The following SLC19A1 variants were observed in gnomAD, a reference collection of about 807,000 sequenced individuals.
SLC19A1 encodes the protein reduced folate transporter.
A neutral mutation model predicts 35.3 loss-of-function variants in SLC19A1; 37 were observed. That is an observed-to-expected ratio of 1.05 (90% CI 0.81 to 1.38). The LOEUF is 1.38. Ranked by LOEUF, SLC19A1 falls within the 40% of genes most tolerant of loss-of-function variation. The pLI is 0.00. For missense variants in SLC19A1, 831 were observed against 826.9 expected, an observed-to-expected ratio of 1.00 and a Z score of -0.06; for synonymous variants, 460 against 398.5, an observed-to-expected ratio of 1.15 and a Z score of -1.84.
downstream of SLC19A1, among the ~76,000 whole-genome samples, chr21:45,508,113 G>A (rs56388421): frequency 3.5e-3 from 517 of 149,788 alleles, 5 homozygotes; most frequent in African/African-American, 0.012. Flanking sequence ...GTGGTCAGGC[G>A]GGTGAGTGGA....
rs764426197 is a variant in SLC19A1, at chr21:45,530,980, G to A, written c.950-9C>T. 7.6e-6 allele frequency: 11 copies of A among 1,444,492 alleles called. No homozygotes were observed. Among genetic ancestry groups the A allele is most frequent in the Non-Finnish European group, 2.7e-6 (3 of 1,102,634 alleles). 89.5% of individuals were successfully genotyped at this position (1,444,492 alleles called of 1,614,324 possible). A position where few individuals can be genotyped will look rare whatever the true frequency, so the allele number is the denominator to read the frequency against. ...GAAGGACGTGATGGCGCCTGAGAGG[G>A]GAGGGATGGGGCGTTGCAGCGGCCC... On this transcript the variant is annotated splice_polypyrimidine_tract_variant and intron_variant, in intron 3 of 5. Transcript: ENST00000311124. The surrounding 1 kb of genome is among the most constrained non-coding windows in gnomAD (Gnocchi z 5.3).
chr21:45,545,662 C>T (rs1569025715), upstream of SLC19A1, among the ~76,000 whole-genome samples: 1 of 149,340 alleles, frequency 6.7e-6, no homozygotes, highest in African/African-American at 2.6e-5. Context: ...CAGACATACA[C>T]ATGACACAGA....
chr21:45,515,792 G>A lies in SLC19A1; in HGVS notation c.1642C>T (p.Leu548=), dbSNP rs761462780. Residue 548 remains leucine, a synonymous_variant, in exon 6 of 6, where the codon CTG becomes TTG. Coordinates refer to ENST00000311124, the MANE Select transcript of SLC19A1 (RefSeq NM_194255.4). ...SPVTTPSPCT[L]CSAQASGPEA... Reference sequence around the variant, plus strand: ...GGGCCTGAGGCTTGGGCGGAGCACAGAGTGCAGGGGGAAGGGGTTGTCACT... The same window carrying A: ...GGGCCTGAGGCTTGGGCGGAGCACAAAGTGCAGGGGGAAGGGGTTGTCACT... 1 of 1,613,182 alleles carries A rather than the reference G, an allele frequency of 6.2e-7. No individual in the cohort carries two copies. Among genetic ancestry groups the A allele is most frequent in the South Asian group, 1.1e-5 (1 of 91,052 alleles).
chr21:45,513,247 A>T lies in SLC19A1; in HGVS notation c.*2411T>A, dbSNP rs17255379. The T allele has an allele frequency of 6.7e-3, 1,017 of 152,426 alleles. 4 individuals carry two copies. Among genetic ancestry groups the T allele is most frequent in the Middle Eastern group, 0.02 (6 of 294 alleles). 9.4% of individuals were successfully genotyped at this position (152,426 alleles called of 1,614,324 possible). On this transcript the variant is annotated 3_prime_UTR_variant, in exon 6 of 6. Coordinates refer to ENST00000311124, the MANE Select transcript of SLC19A1 (RefSeq NM_194255.4). The stretch of plus-strand genomic sequence containing the variant: ...GGCTCAGCCAGCACTTGTCCAGCTG[A>T]GCGCCAGGATGGAACACGGCCACAT...
chr21:45,546,425 T>C (rs2078416321), upstream of SLC19A1, among the ~76,000 whole-genome samples: 1 of 152,220 alleles, frequency 6.6e-6, no homozygotes, highest in Non-Finnish European at 1.5e-5. Context: ...CCTGGTCCTC[T>C]GGGCATGGAG....
At chr21:45,506,070 A>C in intron 3 of SLC19A1, 1 of 1,556,818 alleles carries the variant, frequency 6.4e-7, no homozygotes, top group Non-Finnish European at 8.8e-7. Flanking sequence ...GGATGGGAGC[A>C]GGTGGCAGCC....
rs1476085045 is a variant in SLC19A1 at position 45,527,475 on chromosome 21, G to A, written c.1152-1517C>T. The stretch of plus-strand genomic sequence containing the variant: ...CAGCCAGGCAGGGCGGGCCCTGGAG[G>A]TGAGTGGCAGTCAGTTACTGCGGGC... On this transcript the variant is annotated intron_variant, in intron 4 of 5. Coordinates refer to ENST00000311124, the MANE Select transcript of SLC19A1 (RefSeq NM_194255.4). 2.5e-4 allele frequency among the ~76,000 whole-genome samples: 36 copies of A among 145,000 alleles called. 1 individual carries two copies. Among genetic ancestry groups the A allele is most frequent in the African/African-American group, 9.3e-4 (36 of 38,626 alleles).
At chr21:45,536,770 A>T (rs1032428693) in intron 2 of SLC19A1, among the ~76,000 whole-genome samples, 1 of 152,134 alleles carries the variant, frequency 6.6e-6, no homozygotes, top group African/African-American at 2.4e-5. Context: ...GGAGCAGAGG[A>T]CGGGGTCAGC....
At chr21:45,553,054 A>C (rs993121039) in intron 1 of SLC19A1, among the ~76,000 whole-genome samples, 1 of 151,904 alleles carries the variant, frequency 6.6e-6, no homozygotes, top group Non-Finnish European at 1.5e-5. Flanking sequence ...CACTAAAACA[A>C]GACTCCACCG....
chr21:45,504,415 G>A, intron 3 of SLC19A1: 1 of 1,611,252 alleles, frequency 6.2e-7, no homozygotes, highest in Non-Finnish European at 8.5e-7. Context: ...TCCGTCCACA[G>A]GGGGAGAAGG....
At chr21:45,526,687 T>A (rs1288661788) in intron 4 of SLC19A1, among the ~76,000 whole-genome samples, 3 of 152,242 alleles carry the variant, frequency 2.0e-5, no homozygotes, top group South Asian at 4.1e-4. Flanking sequence ...TTCTCCTGTC[T>A]CAGCCTTTCG....
upstream of SLC19A1, among the ~76,000 whole-genome samples, chr21:45,544,918 G>A (rs1214469653): frequency 2.0e-5 from 3 of 152,112 alleles, no homozygotes; most frequent in South Asian, 2.1e-4. Context: ...GAGACCAACC[G>A]GCCAGTCCTC....
chr21:45,557,952 A>G (rs1365148787), intron 1 of SLC19A1, among the ~76,000 whole-genome samples: 1 of 152,216 alleles, frequency 6.6e-6, no homozygotes, highest in African/African-American at 2.4e-5. Context: ...TGACGGAATC[A>G]TTCCTGTTTA....
downstream of SLC19A1, chr21:45,509,258 A>G (rs1316936112): frequency 6.7e-7 from 1 of 1,489,354 alleles, no homozygotes; most frequent in Non-Finnish European, 9.0e-7. Context: ...GCCAGTTCAG[A>G]GCCCAGCCCC....
downstream of SLC19A1, among the ~76,000 whole-genome samples, chr21:45,510,780 G>A (rs909604704): frequency 6.6e-6 from 1 of 152,156 alleles, no homozygotes; most frequent in Non-Finnish European, 1.5e-5. Flanking sequence ...ACCCAGGGCT[G>A]GGAGCAGGCG....
chr21:45,516,927 CTG>C (rs2146210719), intron 5 of SLC19A1, among the ~76,000 whole-genome samples: 1 of 152,304 alleles, frequency 6.6e-6, no homozygotes, highest in East Asian at 1.9e-4. Flanking sequence ...TTAAAGCAAA[CTG>C]AGGAAGATGG....
Position 45,530,175 on chromosome 21 carries a change from C to T in SLC19A1, c.1151+595G>A, listed in dbSNP as rs1336492116. On this transcript the variant is annotated intron_variant, in intron 4 of 5. Transcript: ENST00000311124. The surrounding 1 kb of genome is among the most constrained non-coding windows in gnomAD (Gnocchi z 5.3). Reference sequence around the variant, plus strand: ...GTGTGTCCGTGTGTGTGTGGTGCGTCCATGTGTAGTGGGTGTCCATGTGTG... The same window carrying T: ...GTGTGTCCGTGTGTGTGTGGTGCGTTCATGTGTAGTGGGTGTCCATGTGTG... 4.2e-5 allele frequency among the ~76,000 whole-genome samples: 6 copies of T among 143,630 alleles called. No individual in the cohort carries two copies. The East Asian group carries it at 8.3e-4, about 20-fold the overall frequency. 94.2% of individuals were successfully genotyped at this position (143,630 alleles called of 152,430 possible).
At chr21:45,544,430 G>A (rs187597758), upstream of SLC19A1, 123 of 155,842 alleles carry the variant, frequency 7.9e-4, no homozygotes, top group Non-Finnish European at 9.4e-4. Flanking sequence ...ACAGTGGGGC[G>A]TGGGCTTCCA....
In SLC19A1 at chr21:45,517,688, G is replaced by A. The variant is rs1219868610; in HGVS notation, c.1294-1548C>T. On this transcript the variant is annotated intron_variant, in intron 5 of 5. Transcript: ENST00000311124. This position sits in a 1 kb window ranked among gnomAD's most constrained non-coding sequence, Gnocchi z 4.4. ...CTCCATGCTGGGGGGTGTCAGAGGA[G>A]GTCAAGCGGGAGTCCAGACTTTCAC... Among the ~76,000 whole-genome samples the A allele has an allele frequency of 1.3e-5, 2 of 152,110 alleles. No homozygotes were observed. Among genetic ancestry groups the A allele is most frequent in the East Asian group, 1.9e-4 (1 of 5,194 alleles).
Sources: gnomAD v4.1 joint callset for allele counts (sites outside exome capture counted in the v4.1 genomes callset) on GRCh38, gnomAD v4.1.1 for gene constraint, Gnocchi (gnomAD v3.1) non-coding constraint, MANE v1.5 for transcripts, NCBI Gene and HGNC (gene_info 2026-07-23, HGNC 2026-07-21) for gene names.